NECAB1: variants seen among roughly 807,000 people sequenced by gnomAD.
The protein encoded by NECAB1 is N-terminal EF-hand calcium-binding protein 1.
In NECAB1, 29 loss-of-function variants were observed where a neutral mutation model predicts 57.5. The observed-to-expected ratio is 0.50, with a 90% CI of 0.38 to 0.69. NECAB1 has a LOEUF of 0.69. Ranked by LOEUF, NECAB1 falls within the 30% of genes least tolerant of loss-of-function variation. The pLI is 0.00. For synonymous variants in NECAB1, 142 were observed against 147.7 expected, an observed-to-expected ratio of 0.96 and a Z score of 0.28; for missense variants, 372 against 413.8, an observed-to-expected ratio of 0.90 and a Z score of 0.88.
intron 8 of NECAB1, among the ~76,000 whole-genome samples, chr8:90,933,794 T>G (rs1201206521): frequency 6.6e-6 from 1 of 152,158 alleles, no homozygotes. Context: ...TTAGCAAATG[T>G]CAATCGTATT....
intron 10 of NECAB1, among the ~76,000 whole-genome samples, chr8:90,948,424 GA>G (rs200182416): frequency 3.4e-5 from 5 of 149,024 alleles, no homozygotes; most frequent in Admixed American, 1.3e-4. Flanking sequence ...CAGAACTAAA[GA>G]AAAAAAAAAT....
At chr8:90,863,380 G>T (rs907282963) in intron 3 of NECAB1, among the ~76,000 whole-genome samples, 1 of 152,044 alleles carries the variant, frequency 6.6e-6, no homozygotes, top group African/African-American at 2.4e-5. Flanking sequence ...GTATAAACAT[G>T]CCCTAAACCC....
chr8:90,945,309 G>A (rs962103468), intron 10 of NECAB1, among the ~76,000 whole-genome samples: 4 of 151,992 alleles, frequency 2.6e-5, no homozygotes, highest in East Asian at 1.9e-4. Flanking sequence ...TTCGTGATCC[G>A]CCCGCCTCAG....
chr8:90,829,741 G>A (rs1336669441), intron 3 of NECAB1, among the ~76,000 whole-genome samples: 1 of 152,012 alleles, frequency 6.6e-6, no homozygotes, highest in Non-Finnish European at 1.5e-5. Context: ...CCTACTAAAA[G>A]AGCATAGTCC....
chr8:90,933,462 G>A (rs1563540463), intron 8 of NECAB1, among the ~76,000 whole-genome samples: 1 of 152,256 alleles, frequency 6.6e-6, no homozygotes, highest in East Asian at 1.9e-4. Context: ...TATTCCAAGT[G>A]AAGTAACTCA....
At chr8:90,887,201 A>C (rs562856694) in intron 5 of NECAB1, among the ~76,000 whole-genome samples, 1 of 152,298 alleles carries the variant, frequency 6.6e-6, no homozygotes, top group African/African-American at 2.4e-5. Context: ...CTTTTAGGGA[A>C]GTTGACCAGT....
chr8:90,824,273 A>G (rs144843369), intron 2 of NECAB1, among the ~76,000 whole-genome samples: 1 of 151,838 alleles, frequency 6.6e-6, no homozygotes, highest in African/African-American at 2.4e-5. Flanking sequence ...AGTTTGTTAG[A>G]CTATAATAAC....
chr8:90,817,132 T>C (rs1164569558), intron 2 of NECAB1, among the ~76,000 whole-genome samples: 2 of 151,840 alleles, frequency 1.3e-5, no homozygotes, highest in South Asian at 2.1e-4. Context: ...AGTAAAGCAA[T>C]TGACTTTTGT....
intron 10 of NECAB1, among the ~76,000 whole-genome samples, chr8:90,947,313 C>A (rs915440231): frequency 1.1e-4 from 16 of 142,864 alleles, no homozygotes; most frequent in African/African-American, 3.1e-4. Context: ...TACACACACA[C>A]ACACACACAC....
rs1809701990 is a variant in NECAB1, at chr8:90,907,143, TGTGTGTGTGAGAGAGAGAGAGAGA to T, written c.358-10347_358-10324del. ...AATTTTGTGTGTGTGTGTGTGTGTG[TGTGTGTGTGAGAGAGAGAGAGAGA>T]GAGAGAGAGAGAGAGAGAGAGAATT... On this transcript the variant is annotated intron_variant, in intron 5 of 12. Transcript: ENST00000417640. Among the ~76,000 whole-genome samples, 3 of 106,626 alleles carry T rather than the reference TGTGTGTGTGAGAGAGAGAGAGAGA, an allele frequency of 2.8e-5. No homozygotes were observed. The South Asian group carries it at 7.8e-4, about 28-fold the overall frequency. 70.0% of individuals were successfully genotyped at this position (106,626 alleles called of 152,430 possible).
At chr8:90,830,512 G>T (rs1176241535) in intron 3 of NECAB1, among the ~76,000 whole-genome samples, 1 of 152,084 alleles carries the variant, frequency 6.6e-6, no homozygotes, top group Non-Finnish European at 1.5e-5. Context: ...CCAGGCTTGG[G>T]TTTCAGCAAT....
intron 12 of NECAB1, among the ~76,000 whole-genome samples, chr8:90,951,511 T>C (rs1810924158): frequency 6.6e-6 from 1 of 152,180 alleles, no homozygotes; most frequent in Admixed American, 6.5e-5. Context: ...TATTTTATCA[T>C]ATTGTAATTT....
At chr8:90,942,837 G>A (rs1335704912) in intron 10 of NECAB1, among the ~76,000 whole-genome samples, 16 of 152,146 alleles carry the variant, frequency 1.1e-4, no homozygotes, top group African/African-American at 1.4e-4. Flanking sequence ...AGCCGAGATC[G>A]CGCTACTGCA....
intron 10 of NECAB1, among the ~76,000 whole-genome samples, chr8:90,943,897 A>T (rs926140701): frequency 6.6e-6 from 1 of 152,024 alleles, no homozygotes; most frequent in African/African-American, 2.4e-5. Flanking sequence ...GGCCACAGGC[A>T]CATGCCACCA....
At position 90,955,693 on chromosome 8, in the gene NECAB1, A is replaced by G; in HGVS notation, c.*181A>G. The G allele has an allele frequency of 2.1e-6, 1 of 481,778 alleles. No homozygotes were observed. The highest frequency in any genetic ancestry group is 2.0e-5 in the African/African-American group (1 of 49,796). 29.8% of individuals were successfully genotyped at this position (481,778 alleles called of 1,614,324 possible). On this transcript the variant is annotated 3_prime_UTR_variant, in exon 13 of 13. Transcript: ENST00000417640. ...ATCAATTCATGTGAATTTTAGCTCAATTTTCAAAGTTCACTAATATTCTCA... is the reference window on the plus strand; with the variant it reads ...ATCAATTCATGTGAATTTTAGCTCAGTTTTCAAAGTTCACTAATATTCTCA...
chr8:90,916,376 T>C (rs1029054445), intron 5 of NECAB1, among the ~76,000 whole-genome samples: 2 of 152,174 alleles, frequency 1.3e-5, no homozygotes, highest in Non-Finnish European at 2.9e-5. Flanking sequence ...AGTTACTTAG[T>C]GATTTATAAG....
intron 10 of NECAB1, among the ~76,000 whole-genome samples, chr8:90,948,010 G>A (rs1810849359): frequency 6.6e-6 from 1 of 152,210 alleles, no homozygotes; most frequent in African/African-American, 2.4e-5. Context: ...AAATGAATTA[G>A]TTTTCAGGAA....
At chr8:90,811,021 C>T (rs1398618095) in intron 2 of NECAB1, among the ~76,000 whole-genome samples, 1 of 151,464 alleles carries the variant, frequency 6.6e-6, no homozygotes, top group Non-Finnish European at 1.5e-5. Context: ...AATCTCGGCT[C>T]ACCGCAACCT....
intron 1 of NECAB1, 30 bp downstream of exon 1, chr8:90,792,015 T>G: frequency 3.0e-4 from 452 of 1,506,828 alleles, no homozygotes; most frequent in Middle Eastern, 5.1e-4. Flanking sequence ...GCTGGGCGGT[T>G]GCTTCCCAGC....
Sources: gnomAD v4.1 joint callset for allele counts (sites outside exome capture counted in the v4.1 genomes callset) on GRCh38, gnomAD v4.1.1 for gene constraint, MANE v1.5 for transcripts, NCBI Gene and HGNC (gene_info 2026-07-23, HGNC 2026-07-21) for gene names.